PRKN: variants seen among roughly 807,000 people sequenced by gnomAD.
PRKN encodes the protein E3 ubiquitin-protein ligase parkin.
PRKN carries 56 observed loss-of-function variants against 59.5 expected under a neutral mutation model. The observed-to-expected ratio is 0.94, with a 90% CI of 0.76 to 1.18. The LOEUF (loss-of-function observed/expected upper bound fraction) is 1.18, where lower values mean the gene tolerates loss of function less well. Ranked by LOEUF, PRKN falls within the 50% of genes most tolerant of loss-of-function variation. PRKN has a pLI of 0.00. For synonymous variants in PRKN, 250 were observed against 222.1 expected (o/e 1.13, Z -1.12); for missense variants, 657 against 596.4 (o/e 1.10, Z -1.06).
chr6:162,271,254 T>C (rs1289522343), intron 2 of PRKN, among the ~76,000 whole-genome samples: 2 of 152,044 alleles, frequency 1.3e-5, no homozygotes, highest in Non-Finnish European at 2.9e-5. Flanking sequence ...TTTAATAAGT[T>C]AGGCCGAATG....
chr6:161,950,072 C>G (rs1779930274), intron 6 of PRKN, among the ~76,000 whole-genome samples: 1 of 152,216 alleles, frequency 6.6e-6, no homozygotes, highest in Non-Finnish European at 1.5e-5. Context: ...AGACCAGTGT[C>G]TGGAATGCAG....
chr6:161,919,733 T>C (rs1223411596), intron 6 of PRKN, among the ~76,000 whole-genome samples: 1 of 152,050 alleles, frequency 6.6e-6, no homozygotes, highest in African/African-American at 2.4e-5. Flanking sequence ...ACAGAGCAAA[T>C]GCTCACAGTG....
At chr6:161,834,062 G>A (rs991124361) in intron 6 of PRKN, among the ~76,000 whole-genome samples, 18 of 152,122 alleles carry the variant, frequency 1.2e-4, no homozygotes, top group African/African-American at 3.1e-4. Context: ...CTAAGACAGC[G>A]GCACAGACAT....
At chr6:162,022,081 C>T (rs1183668519) in intron 5 of PRKN, among the ~76,000 whole-genome samples, 2 of 151,862 alleles carry the variant, frequency 1.3e-5, no homozygotes, top group East Asian at 1.9e-4. Context: ...ACCACATTTT[C>T]TTTATCCAAT....
intron 2 of PRKN, among the ~76,000 whole-genome samples, chr6:162,314,036 GCAAA>G (rs1379947468): frequency 6.6e-6 from 1 of 152,148 alleles, no homozygotes; most frequent in Non-Finnish European, 1.5e-5. Flanking sequence ...TCATCAGGTA[GCAAA>G]CAGTCATATC....
chr6:162,462,746 T>C (rs1039712195), intron 1 of PRKN, among the ~76,000 whole-genome samples: 1 of 152,304 alleles, frequency 6.6e-6, no homozygotes. Context: ...ATCTATCTAC[T>C]TGAACTGCAA....
At chr6:162,644,973 A>G (rs958008629) in intron 1 of PRKN, among the ~76,000 whole-genome samples, 1 of 152,196 alleles carries the variant, frequency 6.6e-6, no homozygotes, top group South Asian at 2.1e-4. Flanking sequence ...AGAATATAGT[A>G]ATAGTCATAG....
chr6:161,485,445 T>C (rs543569227), intron 9 of PRKN, among the ~76,000 whole-genome samples: 2 of 152,236 alleles, frequency 1.3e-5, no homozygotes, highest in Admixed American at 1.3e-4. Flanking sequence ...ACAGGGCTGA[T>C]TTTCTAATCA....
At chr6:162,032,707 C>G (rs1105056) in intron 5 of PRKN, among the ~76,000 whole-genome samples, 1 of 152,002 alleles carries the variant, frequency 6.6e-6, no homozygotes, top group Non-Finnish European at 1.5e-5. Context: ...CTGCTCTTGG[C>G]TCCTTTTTCA....
chr6:162,441,060 C>G (rs1374325650), intron 2 of PRKN, among the ~76,000 whole-genome samples: 3 of 151,966 alleles, frequency 2.0e-5, no homozygotes, highest in Admixed American at 2.0e-4. Context: ...AATAGAAGTT[C>G]CATAAGTATG....
intron 7 of PRKN, among the ~76,000 whole-genome samples, chr6:161,654,340 T>G (rs1379074351): frequency 6.6e-6 from 1 of 152,168 alleles, no homozygotes; most frequent in Non-Finnish European, 1.5e-5. Context: ...TATCAAATCA[T>G]GTACCCCGGA....
chr6:161,626,929 C>A (rs556232132), intron 7 of PRKN, among the ~76,000 whole-genome samples: 1 of 152,146 alleles, frequency 6.6e-6, no homozygotes, highest in East Asian at 1.9e-4. Context: ...GGTTCTGGGG[C>A]CTAAGTAAAC....
intron 1 of PRKN, among the ~76,000 whole-genome samples, chr6:162,494,394 A>G (rs1792963825): frequency 6.6e-6 from 1 of 152,178 alleles, no homozygotes; most frequent in Non-Finnish European, 1.5e-5. Flanking sequence ...CCCAGAGGCA[A>G]CAACAGTGAC....
chr6:161,906,401 C>A (rs1056270188), intron 6 of PRKN, among the ~76,000 whole-genome samples: 1 of 152,072 alleles, frequency 6.6e-6, no homozygotes, highest in Non-Finnish European at 1.5e-5. Flanking sequence ...CCACCATCAG[C>A]ATCAGAGGGC....
rs1330705269 is a variant in PRKN at position 162,021,144 on chromosome 6, AT to A, written c.618+32946del. The stretch of plus-strand genomic sequence containing the variant: ...CATATATATATATATATATATATAT[AT>A]ATATATATATATATATATATAAAAT... On this transcript the variant is annotated intron_variant, in intron 5 of 11. Coordinates refer to ENST00000366898, the MANE Select transcript of PRKN (RefSeq NM_004562.3). 5.6e-3 allele frequency among the ~76,000 whole-genome samples: 110 copies of A among 19,562 alleles called. 10 individuals are homozygous for A. The highest frequency in any genetic ancestry group is 8.4e-3 in the South Asian group (6 of 716). 12.8% of individuals were successfully genotyped at this position (19,562 alleles called of 152,430 possible).
intron 3 of PRKN, among the ~76,000 whole-genome samples, chr6:162,223,803 T>C (rs911174538): frequency 1.3e-5 from 2 of 152,166 alleles, no homozygotes; most frequent in African/African-American, 4.8e-5. Flanking sequence ...TTTGTTGACT[T>C]TTCATTGCCT....
At position 161,588,966 on chromosome 6, in the gene PRKN, G is replaced by T. The variant is rs1169254185; in HGVS notation, c.872-19550C>A. Among the ~76,000 whole-genome samples, 2 of 152,068 alleles carry T rather than the reference G, an allele frequency of 1.3e-5. No homozygotes were observed. Among genetic ancestry groups the T allele is most frequent in the African/African-American group, 2.4e-5 (1 of 41,412 alleles). On this transcript the variant is annotated intron_variant, in intron 7 of 11. Coordinates refer to ENST00000366898, the MANE Select transcript of PRKN (RefSeq NM_004562.3). This position sits in a 1 kb window ranked among gnomAD's most constrained non-coding sequence, Gnocchi z 5.0. ...TAACCGGTATCCTCTAGTTTATCTGGCAGCCTTACCAAGCCATAATTCAGA... is the reference window on the plus strand; with the variant it reads ...TAACCGGTATCCTCTAGTTTATCTGTCAGCCTTACCAAGCCATAATTCAGA...
chr6:162,514,437 C>T (rs1777759957), intron 1 of PRKN, among the ~76,000 whole-genome samples: 1 of 152,174 alleles, frequency 6.6e-6, no homozygotes, highest in Non-Finnish European at 1.5e-5. Flanking sequence ...TGCATCCGTT[C>T]CTTCCAGAAA....
At chr6:161,637,102 A>T (rs552828770) in intron 7 of PRKN, among the ~76,000 whole-genome samples, 1 of 152,312 alleles carries the variant, frequency 6.6e-6, no homozygotes, top group Non-Finnish European at 1.5e-5. Context: ...TTGGTGGAAG[A>T]GGTAAGATGT....
Sources: allele counts gnomAD v4.1 joint callset (sites outside exome capture counted in the v4.1 genomes callset), GRCh38; gene constraint gnomAD v4.1.1; non-coding constraint Gnocchi (gnomAD v3.1); transcripts MANE v1.5; gene names NCBI Gene and HGNC (gene_info 2026-07-23, HGNC 2026-07-21).